Variants in RYK observed in about 807,000 individuals in gnomAD.
RYK encodes receptor like tyrosine kinase, also known as inactive tyrosine-protein kinase RYK.
In RYK, 21 loss-of-function variants were observed where a neutral mutation model predicts 70.2. The observed-to-expected ratio is 0.30, with a 90% confidence interval of 0.21 to 0.43. The LOEUF (loss-of-function observed/expected upper bound fraction) is 0.43, where lower values mean the gene tolerates loss of function less well. Ranked by LOEUF, RYK falls within the 20% of genes least tolerant of loss-of-function variation. The pLI, the probability that RYK is intolerant of heterozygous loss-of-function variation, is 1.00. For synonymous variants in RYK, 267 were observed against 278.0 expected (o/e 0.96, Z 0.39); for missense variants, 604 against 753.3 (o/e 0.80, Z 2.32).
At chr3:134,208,716 G>C (rs2014292744) in intron 4 of RYK, among the ~76,000 whole-genome samples, 1 of 152,156 alleles carries the variant, frequency 6.6e-6, no homozygotes, top group East Asian at 1.9e-4. Context: ...AAGAGGCTGA[G>C]AGAACAGGTC....
At chr3:134,244,702 C>T (rs1465852933) in intron 1 of RYK, among the ~76,000 whole-genome samples, 1 of 152,088 alleles carries the variant, frequency 6.6e-6, no homozygotes, top group Non-Finnish European at 1.5e-5. Flanking sequence ...GACCGTGTGC[C>T]CTACTACTAC....
intron 1 of RYK, among the ~76,000 whole-genome samples, chr3:134,227,730 C>T (rs1253929107): frequency 6.6e-6 from 1 of 151,740 alleles, no homozygotes. Context: ...AGTGCAGTGG[C>T]GCAATCTCAG....
intron 2 of RYK, among the ~76,000 whole-genome samples, chr3:134,214,139 T>C (rs1361377813): frequency 6.6e-6 from 1 of 152,088 alleles, no homozygotes. Context: ...AATGGCTACT[T>C]CTCATGCCAT....
intron 2 of RYK, among the ~76,000 whole-genome samples, 185 bp downstream of exon 2, chr3:134,222,233 G>C (rs575900697): frequency 5.3e-5 from 8 of 152,282 alleles, no homozygotes; most frequent in African/African-American, 1.9e-4. Flanking sequence ...TCGTTTTAAA[G>C]GATTCAAGAA....
At chr3:134,243,579 C>T (rs2107697594) in intron 1 of RYK, among the ~76,000 whole-genome samples, 1 of 152,250 alleles carries the variant, frequency 6.6e-6, no homozygotes, top group Admixed American at 6.5e-5. Flanking sequence ...CATGGCTTTG[C>T]TAATTTTTCA....
At chr3:134,225,109 A>G (rs2014866242) in intron 1 of RYK, among the ~76,000 whole-genome samples, 1 of 152,222 alleles carries the variant, frequency 6.6e-6, no homozygotes, top group African/African-American at 2.4e-5. Flanking sequence ...CAGAGACAGA[A>G]ATGCAGACCC....
intron 6 of RYK, 135 bp downstream of exon 6, chr3:134,202,595 C>A: frequency 1.6e-6 from 1 of 634,544 alleles, no homozygotes. Context: ...ATTAGGTCAT[C>A]TTATTTTTCC....
At chr3:134,250,340 G>C in intron 1 of RYK, 83 bp downstream of exon 1, 1 of 818,954 alleles carries the variant, frequency 1.2e-6, no homozygotes, top group Non-Finnish European at 1.6e-6. Flanking sequence ...CGAGGTCCAC[G>C]GCTCGCAGAC....
intron 3 of RYK, among the ~76,000 whole-genome samples, chr3:134,210,919 G>C (rs1028783720): frequency 6.6e-6 from 1 of 152,126 alleles, no homozygotes; most frequent in African/African-American, 2.4e-5. Context: ...GAATGAGTAG[G>C]ATGAATAGAA....
At chr3:134,162,287 C>A (rs1178005715) in intron 13 of RYK, among the ~76,000 whole-genome samples, 1 of 151,382 alleles carries the variant, frequency 6.6e-6, no homozygotes, top group East Asian at 1.9e-4. Context: ...CCATTACACA[C>A]CCAACCCTAC....
At chr3:134,167,396 AGATATAGAC>A (rs1272651580) in intron 13 of RYK, among the ~76,000 whole-genome samples, 1 of 152,226 alleles carries the variant, frequency 6.6e-6, no homozygotes, top group Non-Finnish European at 1.5e-5. Context: ...ACCAAAACAG[AGATATAGAC>A]CAATGGAACA....
chr3:134,196,268 A>C (rs1431767301), intron 6 of RYK, among the ~76,000 whole-genome samples: 1 of 152,144 alleles, frequency 6.6e-6, no homozygotes, highest in Non-Finnish European at 1.5e-5. Context: ...TGGAGACGTG[A>C]AACATAGAAA....
intron 11 of RYK, among the ~76,000 whole-genome samples, chr3:134,177,369 G>A (rs1048359148): frequency 1.4e-5 from 2 of 140,260 alleles, no homozygotes; most frequent in African/African-American, 5.0e-5. Context: ...GGGACAACAA[G>A]ATACAGCTGA....
At chr3:134,241,177 A>G (rs1344457722) in intron 1 of RYK, among the ~76,000 whole-genome samples, 1 of 150,966 alleles carries the variant, frequency 6.6e-6, no homozygotes, top group Non-Finnish European at 1.5e-5. Flanking sequence ...TCTACCAAAA[A>G]AAAAAAAAAA....
At chr3:134,222,347 C>T in intron 2 of RYK, 71 bp downstream of exon 2, 2 of 1,553,472 alleles carry the variant, frequency 1.3e-6, no homozygotes, top group South Asian at 1.1e-5. Flanking sequence ...GCAGCCCAGT[C>T]CTCAAACACA....
intron 5 of RYK, among the ~76,000 whole-genome samples, chr3:134,203,817 G>A (rs2014107932): frequency 2.0e-5 from 3 of 152,146 alleles, no homozygotes; most frequent in Admixed American, 6.5e-5. Flanking sequence ...AGTAGCCACT[G>A]GTCACCTGTG....
At chr3:134,191,201 G>C (rs2013631126) in intron 8 of RYK, among the ~76,000 whole-genome samples, 1 of 152,168 alleles carries the variant, frequency 6.6e-6, no homozygotes, top group Non-Finnish European at 1.5e-5. Flanking sequence ...TCTTCTTTCA[G>C]CATCTCCCTA....
At chr3:134,159,868 A>T (rs1349584676) in intron 13 of RYK, among the ~76,000 whole-genome samples, 1 of 152,234 alleles carries the variant, frequency 6.6e-6, no homozygotes, top group African/African-American at 2.4e-5. Flanking sequence ...TTGAGTAAGC[A>T]ATCAGGTTTA....
At chr3:134,242,337 T>G (rs1018836172) in intron 1 of RYK, among the ~76,000 whole-genome samples, 1 of 151,498 alleles carries the variant, frequency 6.6e-6, no homozygotes, top group Non-Finnish European at 1.5e-5. Context: ...ATGAGACCTA[T>G]GAAATCCACT....
Sources: allele counts gnomAD v4.1 joint callset (sites outside exome capture counted in the v4.1 genomes callset), GRCh38; gene constraint gnomAD v4.1.1; transcripts MANE v1.5; gene names NCBI Gene and HGNC (gene_info 2026-07-23, HGNC 2026-07-21).